Variants in EXT2 observed in about 807,000 individuals in gnomAD.
EXT2 encodes exostosin glycosyltransferase 2.
In EXT2, 53 loss-of-function variants were observed where a neutral mutation model predicts 81.6. That is an observed-to-expected ratio of 0.65 (90% CI 0.52 to 0.82). The LOEUF (loss-of-function observed/expected upper bound fraction) is 0.82. EXT2 is among the 40% of genes least tolerant of loss of function. EXT2 has a pLI of 0.00. For synonymous variants in EXT2, 320 were observed against 340.0 expected (o/e 0.94, Z 0.65); for missense variants, 774 against 910.2 (o/e 0.85, Z 1.93).
intron 4 of EXT2, among the ~76,000 whole-genome samples, chr11:44,121,039 C>G (rs935692008): frequency 6.6e-6 from 1 of 152,222 alleles, no homozygotes; most frequent in African/African-American, 2.4e-5. Context: ...AGGTCAGGGA[C>G]AGCCAGCATG....
At chr11:44,141,931 G>A (rs187201673) in intron 7 of EXT2, among the ~76,000 whole-genome samples, 25 of 152,294 alleles carry the variant, frequency 1.6e-4, no homozygotes, top group South Asian at 1.0e-3. Context: ...AATTCATGCC[G>A]TACCTACTTA....
intron 13 of EXT2, among the ~76,000 whole-genome samples, chr11:44,237,920 A>AAC (rs1211751047): frequency 3.8e-4 from 34 of 89,042 alleles, no homozygotes; most frequent in Admixed American, 7.3e-4. Context: ...AAAAAAAAAA[A>AAC]AAAAAAAAAA....
intron 6 of EXT2, 38 bp from the exon 7 acceptor site, chr11:44,130,007 G>A: frequency 6.8e-7 from 1 of 1,478,832 alleles, no homozygotes; most frequent in Non-Finnish European, 9.5e-7. Context: ...TTCTGTGAAG[G>A]GCTGTGTGTA....
At chr11:44,097,814 G>A (rs180761455) in intron 1 of EXT2, among the ~76,000 whole-genome samples, 1 of 151,818 alleles carries the variant, frequency 6.6e-6, no homozygotes, top group East Asian at 1.9e-4. Context: ...AAAATAAAAA[G>A]GTTGAAACGA....
rs994068953 is a variant in EXT2 at position 44,169,421 on chromosome 11, A to G, written c.1174-2190A>G. 3.3e-5 allele frequency among the ~76,000 whole-genome samples: 5 copies of G among 152,066 alleles called. No homozygotes were observed. In the South Asian group the frequency reaches 6.2e-4, roughly 19 times the overall value. On this transcript the variant is annotated intron_variant, in intron 7 of 13. Coordinates refer to ENST00000533608, the MANE Select transcript of EXT2 (RefSeq NM_207122.2). ...TAGTTGCTAGGAAAGCTACTCAAAC[A>G]ATAACAAAAGACTAAATAACTAGCA...
intron 10 of EXT2, among the ~76,000 whole-genome samples, chr11:44,210,004 A>G (rs1189944477): frequency 6.6e-6 from 1 of 152,240 alleles, no homozygotes; most frequent in African/African-American, 2.4e-5. Flanking sequence ...TATGAAAGAT[A>G]TAGAAAAGAT....
chr11:44,164,753 G>C (rs1265618507), intron 7 of EXT2, among the ~76,000 whole-genome samples: 2 of 152,086 alleles, frequency 1.3e-5, no homozygotes, highest in African/African-American at 4.8e-5. Context: ...AAGTTTAAAT[G>C]CTTTGTTCAA....
intron 10 of EXT2, among the ~76,000 whole-genome samples, chr11:44,228,935 G>C (rs1457124697): frequency 6.8e-6 from 1 of 146,980 alleles, no homozygotes; most frequent in Non-Finnish European, 1.5e-5. Context: ...TTAGCATGGA[G>C]GAGAGAGCTG....
chr11:44,192,890 A>T (rs1405236491), intron 8 of EXT2, among the ~76,000 whole-genome samples: 1 of 152,216 alleles, frequency 6.6e-6, no homozygotes, highest in African/African-American at 2.4e-5. Flanking sequence ...AGTCATTTCA[A>T]AACTCATAAT....
chr11:44,236,182 C>T (rs1025320638), intron 12 of EXT2, 111 bp from the exon 13 acceptor site: 66 of 904,352 alleles, frequency 7.3e-5, no homozygotes, highest in African/African-American at 3.3e-4. Context: ...TGTGTGCACG[C>T]GCATGCAACA....
chr11:44,150,423 G>A (rs1366738310), intron 7 of EXT2, among the ~76,000 whole-genome samples: 1 of 152,122 alleles, frequency 6.6e-6, no homozygotes, highest in African/African-American at 2.4e-5. Flanking sequence ...TTAGAAGGAT[G>A]GAAATGTGGG....
chr11:44,185,524 C>CT (rs1348400682), intron 8 of EXT2, among the ~76,000 whole-genome samples: 4 of 151,960 alleles, frequency 2.6e-5, no homozygotes, highest in Non-Finnish European at 4.4e-5. Flanking sequence ...GGGTTCATGC[C>CT]TTTTTTTCAG....
intron 10 of EXT2, 97 bp from the exon 11 acceptor site, chr11:44,232,256 G>C: frequency 6.6e-7 from 1 of 1,512,738 alleles, no homozygotes. Flanking sequence ...ATGATGGTTT[G>C]AACCTAGGAA....
intron 7 of EXT2, among the ~76,000 whole-genome samples, chr11:44,162,200 G>A (rs1277821786): frequency 6.6e-6 from 1 of 152,124 alleles, no homozygotes; most frequent in Non-Finnish European, 1.5e-5. Context: ...TGGATGAGGG[G>A]CATTCCAGAT....
chr11:44,131,978 C>T (rs1416661084), intron 7 of EXT2, among the ~76,000 whole-genome samples: 4 of 152,192 alleles, frequency 2.6e-5, no homozygotes, highest in Non-Finnish European at 4.4e-5. Flanking sequence ...CCAAGTGATC[C>T]GCCCGCCTCG....
Position 44,236,280 on chromosome 11 carries a change from C to T in EXT2, c.1936-13C>T. On this transcript the variant is annotated splice_polypyrimidine_tract_variant and intron_variant, in intron 12 of 13. Coordinates refer to ENST00000533608, the MANE Select transcript of EXT2 (RefSeq NM_207122.2). ...CACTGACAGCCAGGTATGTTTTTGT[C>T]CTCCTCTGGCAGGTAACCCCACGAA... 6.2e-7 allele frequency: 1 copy of T among 1,613,218 alleles called. No individual in the cohort carries two copies. The highest frequency in any genetic ancestry group is 1.3e-5 in the African/African-American group (1 of 75,024).
rs544519841 is a variant in EXT2, at chr11:44,199,001, T to C, written c.1495+983T>C. ...TCTCCTTTACTTCATGGGATGTTTG[T>C]TCTCTGAGAGAATCATATGCTTTCT... On this transcript the variant is annotated intron_variant, in intron 9 of 13. Coordinates refer to ENST00000533608, the MANE Select transcript of EXT2 (RefSeq NM_207122.2). 4.0e-3 allele frequency among the ~76,000 whole-genome samples: 605 copies of C among 152,348 alleles called. 3 individuals carry two copies. The highest frequency in any genetic ancestry group is 6.3e-3 in the Non-Finnish European group (426 of 68,026).
chr11:44,224,664 G>C lies in EXT2; in HGVS notation c.1663-7689G>C, dbSNP rs573351921. Among the ~76,000 whole-genome samples, 163 of 152,260 alleles carry C rather than the reference G, an allele frequency of 1.1e-3. 1 individual carries two copies. The highest frequency in any genetic ancestry group is 1.9e-3 in the Non-Finnish European group (128 of 68,018). On this transcript the variant is annotated intron_variant, in intron 10 of 13. Coordinates refer to ENST00000533608, the MANE Select transcript of EXT2 (RefSeq NM_207122.2). ...GAAGCAGATTTATGCTTTGAAGCCAGCCAGAATTACTGAGTTTGTGGTCAC... is the reference window on the plus strand; with the variant it reads ...GAAGCAGATTTATGCTTTGAAGCCACCCAGAATTACTGAGTTTGTGGTCAC...
At chr11:44,227,341 T>C (rs766345017) in intron 10 of EXT2, among the ~76,000 whole-genome samples, 13 of 152,230 alleles carry the variant, frequency 8.5e-5, no homozygotes, top group Non-Finnish European at 1.9e-4. Flanking sequence ...GTTTAGAAAC[T>C]TACAACTTGA....
Sources: gnomAD v4.1 joint callset for allele counts (sites outside exome capture counted in the v4.1 genomes callset) on GRCh38, gnomAD v4.1.1 for gene constraint, MANE v1.5 for transcripts, NCBI Gene and HGNC (gene_info 2026-07-23, HGNC 2026-07-21) for gene names.